MDGA2: variants seen among roughly 807,000 people sequenced by gnomAD.
MDGA2 encodes the protein MAM domain containing glycosylphosphatidylinositol anchor 2, also known as MAM domain-containing glycosylphosphatidylinositol anchor protein 2.
In MDGA2, 40 loss-of-function variants were observed where a neutral mutation model predicts 117.8. That is an observed-to-expected ratio of 0.34 (90% CI 0.26 to 0.44). MDGA2 has a LOEUF of 0.44. Ranked by LOEUF, MDGA2 falls within the 20% of genes least tolerant of loss-of-function variation. The pLI is 1.00. For missense variants in MDGA2, 1,123 were observed against 1,250.6 expected, an observed-to-expected ratio of 0.90 and a Z score of 1.54; for synonymous variants, 452 against 439.0, an observed-to-expected ratio of 1.03 and a Z score of -0.37.
chr14:47,379,270 G>A (rs901884919), intron 1 of MDGA2, among the ~76,000 whole-genome samples: 1 of 152,198 alleles, frequency 6.6e-6, no homozygotes, highest in Non-Finnish European at 1.5e-5. Flanking sequence ...ATGCCAAATT[G>A]TAAAGACCAT....
intron 1 of MDGA2, among the ~76,000 whole-genome samples, chr14:47,312,127 AT>A (rs1889655857): frequency 6.6e-6 from 1 of 152,148 alleles, no homozygotes. Flanking sequence ...GGCTTTGACA[AT>A]CTCATAGATT....
chr14:47,592,887 G>T (rs1896467656), intron 1 of MDGA2, among the ~76,000 whole-genome samples: 1 of 152,166 alleles, frequency 6.6e-6, no homozygotes, highest in Admixed American at 6.6e-5. Flanking sequence ...ACTGGCAAAT[G>T]ATATCTAATT....
intron 1 of MDGA2, among the ~76,000 whole-genome samples, chr14:47,461,299 A>G (rs113968647): frequency 0.17 from 3,649 of 21,936 alleles, 72 homozygotes; most frequent in Non-Finnish European, 0.3. Context: ...GTGTGTGTGT[A>G]TCTACTGTGA....
chr14:47,169,581 A>C (rs1884035716), intron 3 of MDGA2, among the ~76,000 whole-genome samples: 1 of 151,966 alleles, frequency 6.6e-6, no homozygotes, highest in African/African-American at 2.4e-5. Flanking sequence ...CATGGAAATA[A>C]ACTACTACTT....
intron 1 of MDGA2, among the ~76,000 whole-genome samples, chr14:47,585,610 GA>G (rs1490281967): frequency 6.6e-6 from 1 of 151,790 alleles, no homozygotes; most frequent in African/African-American, 2.4e-5. Context: ...TAAGCCAACA[GA>G]AGCCAAAAGG....
intron 1 of MDGA2, among the ~76,000 whole-genome samples, chr14:47,604,893 C>T (rs1356806551): frequency 1.3e-5 from 2 of 152,080 alleles, no homozygotes; most frequent in African/African-American, 2.4e-5. Context: ...CCCAGCCATC[C>T]CAGCTGACCT....
intron 2 of MDGA2, among the ~76,000 whole-genome samples, chr14:47,295,652 C>T (rs926487897): frequency 1.3e-5 from 2 of 152,142 alleles, no homozygotes; most frequent in African/African-American, 4.8e-5. Context: ...AACTGTAATC[C>T]TAGCACTTTG....
intron 1 of MDGA2, among the ~76,000 whole-genome samples, chr14:47,426,600 A>G (rs1354027134): frequency 1.3e-5 from 2 of 151,108 alleles, no homozygotes; most frequent in African/African-American, 4.8e-5. Context: ...GAAAATATGC[A>G]GATTAATATT....
chr14:46,926,044 G>T (rs1296736574), intron 9 of MDGA2, among the ~76,000 whole-genome samples: 1 of 152,146 alleles, frequency 6.6e-6, no homozygotes, highest in Admixed American at 6.5e-5. Flanking sequence ...TATGGCTGAC[G>T]TAATCCATGT....
rs546577445 is a variant in MDGA2, at chr14:47,214,145, T to C, written c.595+3876A>G. ...TCTCTCCCTTGACACGTGGAGATTA[T>C]GGTGATTATAATTCGAGATGAGATT... On this transcript the variant is annotated intron_variant, in intron 3 of 16. Transcript: ENST00000399232. Among the ~76,000 whole-genome samples, 54 of 152,210 alleles carry C rather than the reference T, an allele frequency of 3.5e-4. 1 individual carries two copies. The South Asian group carries it at 9.8e-3, about 27-fold the overall frequency.
chr14:46,938,242 A>G (rs2138571995), intron 9 of MDGA2, among the ~76,000 whole-genome samples: 1 of 151,820 alleles, frequency 6.6e-6, no homozygotes, highest in Admixed American at 6.6e-5. Context: ...TCAGAACCAC[A>G]GTAAGATATC....
At chr14:47,192,404 C>T (rs2139410448) in intron 3 of MDGA2, among the ~76,000 whole-genome samples, 1 of 152,184 alleles carries the variant, frequency 6.6e-6, no homozygotes, top group Non-Finnish European at 1.5e-5. Context: ...CGCTTGAGCT[C>T]AGGAGTTGGA....
chr14:47,068,169 G>A (rs1402597821), intron 6 of MDGA2, among the ~76,000 whole-genome samples: 1 of 151,958 alleles, frequency 6.6e-6, no homozygotes, highest in Non-Finnish European at 1.5e-5. Context: ...CATTTGAATT[G>A]TTTAAGCATA....
chr14:46,924,299 T>G (rs1282366792), intron 9 of MDGA2, among the ~76,000 whole-genome samples: 3 of 152,056 alleles, frequency 2.0e-5, no homozygotes, highest in African/African-American at 7.2e-5. Context: ...AAATATAATT[T>G]TATGCATAAA....
chr14:47,117,753 A>C (rs1478542477), intron 5 of MDGA2, among the ~76,000 whole-genome samples: 1 of 152,132 alleles, frequency 6.6e-6, no homozygotes, highest in Non-Finnish European at 1.5e-5. Context: ...GGGTTGAGTG[A>C]GGAGGGAAAT....
At chr14:46,968,075 T>C (rs1381948295) in intron 8 of MDGA2, among the ~76,000 whole-genome samples, 2 of 152,182 alleles carry the variant, frequency 1.3e-5, no homozygotes, top group East Asian at 1.9e-4. Context: ...CTAGATATTA[T>C]GTAGAGGAAT....
At chr14:47,113,141 T>G (rs1187706011) in intron 5 of MDGA2, among the ~76,000 whole-genome samples, 2 of 152,088 alleles carry the variant, frequency 1.3e-5, no homozygotes, top group Non-Finnish European at 2.9e-5. Context: ...GGATATCCAC[T>G]GACTCCACAG....
At chr14:47,052,391 T>A (rs1334644928) in intron 7 of MDGA2, among the ~76,000 whole-genome samples, 1 of 151,908 alleles carries the variant, frequency 6.6e-6, no homozygotes, top group East Asian at 1.9e-4. Context: ...AATTAAGCAC[T>A]GTTAAATAAT....
intron 9 of MDGA2, among the ~76,000 whole-genome samples, chr14:46,926,310 C>T (rs984334721): frequency 1.3e-5 from 2 of 151,904 alleles, no homozygotes; most frequent in African/African-American, 2.4e-5. Context: ...AAAAGACACA[C>T]TTGCAAAGTA....
Sources: gnomAD v4.1 joint callset for allele counts (sites outside exome capture counted in the v4.1 genomes callset) on GRCh38, gnomAD v4.1.1 for gene constraint, MANE v1.5 for transcripts, NCBI Gene and HGNC (gene_info 2026-07-23, HGNC 2026-07-21) for gene names.